Variants in AFF2 observed in about 807,000 individuals in gnomAD.
AFF2 encodes AF4/FMR2 family member 2.
Under a neutral mutation model 76.9 loss-of-function variants are expected in AFF2, and 14 were observed. The observed-to-expected ratio is 0.18, with a 90% CI of 0.12 to 0.28. The LOEUF (loss-of-function observed/expected upper bound fraction) is 0.28. Ranked by LOEUF, AFF2 falls within the 10% of genes least tolerant of loss-of-function variation. The pLI, the probability that AFF2 is intolerant of heterozygous loss-of-function variation, is 1.00. For synonymous variants in AFF2, 398 were observed against 366.7 expected (o/e 1.09, Z -0.98); for missense variants, 868 against 1,001.1 (o/e 0.87, Z 1.79).
At chrX:148,616,372 A>C (rs186691295) in intron 1 of AFF2, among the ~76,000 whole-genome samples, 2 of 111,547 alleles carry the variant, frequency 1.8e-5, no homozygotes, top group African/African-American at 6.5e-5. Context: ...GCACCATTGC[A>C]ACCCAAAGTT....
chrX:148,842,820 G>C, intron 5 of AFF2, 146 bp from the exon 6 acceptor site: 1 of 419,317 alleles, frequency 2.4e-6, no homozygotes, highest in Admixed American at 4.2e-5. Context: ...TAGAGCTATA[G>C]ACAAAAGCCT....
At chrX:148,843,093 A>G in intron 6 of AFF2, 91 bp downstream of exon 6, 4 of 713,167 alleles carry the variant, frequency 5.6e-6, no homozygotes, top group Admixed American at 3.1e-5. Context: ...TCATTAAAAC[A>G]TGAAAGAACA....
At chrX:148,704,354 ATATATATATGTGTGTATATATATATT>A (rs1557262167) in intron 3 of AFF2, among the ~76,000 whole-genome samples, 1,675 of 11,318 alleles carry the variant, frequency 0.15, 109 homozygotes, top group East Asian at 0.38. Context: ...ATATATATTT[ATATATATATGTGTGTATATATATATT>A]TATATATATG....
chrX:148,708,630 C>G (rs1250371566), intron 3 of AFF2, among the ~76,000 whole-genome samples: 2 of 112,321 alleles, frequency 1.8e-5, no homozygotes, highest in African/African-American at 6.5e-5. Flanking sequence ...AGGAGAATCA[C>G]TTGAACCTGG....
chrX:148,579,520 A>G (rs889160118), intron 1 of AFF2, among the ~76,000 whole-genome samples: 6 of 112,083 alleles, frequency 5.4e-5, no homozygotes, highest in Non-Finnish European at 1.1e-4. Flanking sequence ...GTCATTTGCC[A>G]TAGTAAAAGA....
At chrX:148,905,623 G>A in intron 9 of AFF2, among the ~76,000 whole-genome samples, 1 of 112,545 alleles carries the variant, frequency 8.9e-6, no homozygotes, top group Non-Finnish European at 1.9e-5. Context: ...GCATGCAGAT[G>A]TGTGCCCCAG....
chrX:148,925,141 C>T (rs1395434977), intron 9 of AFF2, among the ~76,000 whole-genome samples: 1 of 112,500 alleles, frequency 8.9e-6, no homozygotes, highest in East Asian at 2.8e-4. Flanking sequence ...CTAATCCTGT[C>T]TAATCTGTAA....
At chrX:148,704,187 G>T (rs2054837561) in intron 3 of AFF2, among the ~76,000 whole-genome samples, 1 of 90,814 alleles carries the variant, frequency 1.1e-5, no homozygotes, top group African/African-American at 4.0e-5. Flanking sequence ...AAATTTTTAT[G>T]TTGGGTGAAA....
intron 15 of AFF2, among the ~76,000 whole-genome samples, chrX:148,968,173 C>G (rs2072204518): frequency 9.0e-6 from 1 of 111,089 alleles, no homozygotes; most frequent in Admixed American, 9.6e-5. Flanking sequence ...GTGAGCCCCA[C>G]AGTTAGGCTG....
rs146685166 is a variant in AFF2, at chrX:148,993,209, A to C, written c.*1877A>C. The C allele has an allele frequency of 1.8e-3, 198 of 112,988 alleles. No individual in the cohort carries two copies. Among genetic ancestry groups the C allele is most frequent in the African/African-American group, 6.0e-3 (186 of 31,037 alleles). 9.3% of individuals were successfully genotyped at this position (112,988 alleles called of 1,213,427 possible). On this transcript the variant is annotated 3_prime_UTR_variant, in exon 21 of 21. Coordinates refer to ENST00000370460, the MANE Select transcript of AFF2 (RefSeq NM_002025.4). ...GAGCATCCCTGCAGCTGAACCCAGC[A>C]CTTTTTATGCTCCCACTGTGGTTGA...
chrX:148,864,234 C>T (rs2070881429), intron 7 of AFF2, among the ~76,000 whole-genome samples: 1 of 112,267 alleles, frequency 8.9e-6, no homozygotes, highest in Admixed American at 9.4e-5. Flanking sequence ...ACACAATTTT[C>T]AACAGAATAT....
intron 15 of AFF2, among the ~76,000 whole-genome samples, chrX:148,968,597 T>G (rs1557289122): frequency 8.9e-6 from 1 of 112,109 alleles, no homozygotes; most frequent in Non-Finnish European, 1.9e-5. Context: ...GTCCCAGTGG[T>G]GTTTGATACT....
intron 3 of AFF2, among the ~76,000 whole-genome samples, chrX:148,766,481 T>A (rs1557267754): frequency 1.9e-5 from 2 of 107,774 alleles, no homozygotes; most frequent in Admixed American, 2.0e-4. Flanking sequence ...TTTCATGTAT[T>A]TTTTGGCTGC....
intron 3 of AFF2, among the ~76,000 whole-genome samples, chrX:148,710,609 A>G (rs1363078083): frequency 1.2e-4 from 13 of 112,099 alleles, no homozygotes; most frequent in Non-Finnish European, 2.1e-4. Flanking sequence ...CCAAAATTTT[A>G]CTTTTTTGTC....
intron 3 of AFF2, among the ~76,000 whole-genome samples, chrX:148,740,441 T>C (rs1214832154): frequency 1.8e-5 from 2 of 111,951 alleles, no homozygotes; most frequent in African/African-American, 6.5e-5. Context: ...TCAATTCTAT[T>C]GCTGAGACTT....
intron 7 of AFF2, among the ~76,000 whole-genome samples, chrX:148,879,812 A>G (rs900862966): frequency 5.4e-5 from 6 of 111,342 alleles, no homozygotes; most frequent in African/African-American, 2.0e-4. Flanking sequence ...CATAAGCAGT[A>G]CAGAGACAGA....
At chrX:148,876,756 G>T (rs191756836) in intron 7 of AFF2, among the ~76,000 whole-genome samples, 1 of 111,300 alleles carries the variant, frequency 9.0e-6, no homozygotes, top group Admixed American at 9.5e-5. Flanking sequence ...GAACCTGCAG[G>T]TATCCAAATA....
At chrX:148,555,912 T>C (rs2053047169) in intron 1 of AFF2, among the ~76,000 whole-genome samples, 1 of 112,546 alleles carries the variant, frequency 8.9e-6, no homozygotes, top group African/African-American at 3.2e-5. Flanking sequence ...CCTTCTGTTC[T>C]AAAGAGACAC....
chrX:148,639,133 C>T (rs782095143), intron 1 of AFF2, among the ~76,000 whole-genome samples: 1 of 112,063 alleles, frequency 8.9e-6, no homozygotes, highest in East Asian at 2.8e-4. Context: ...AGTCAGAGTG[C>T]CTGTCTGGCC....
Sources: allele counts gnomAD v4.1 joint callset (sites outside exome capture counted in the v4.1 genomes callset), GRCh38; gene constraint gnomAD v4.1.1; transcripts MANE v1.5; gene names NCBI Gene and HGNC (gene_info 2026-07-23, HGNC 2026-07-21).